Variants in CACNA1A observed in about 807,000 individuals in gnomAD.
The protein encoded by CACNA1A is voltage-dependent P/Q-type calcium channel subunit alpha-1A.
In CACNA1A, 57 loss-of-function variants were observed where a neutral mutation model predicts 262.4. The observed-to-expected ratio is 0.22, with a 90% CI of 0.18 to 0.27. CACNA1A has a LOEUF of 0.27. Among genes scored for constraint, CACNA1A ranks in the 10% least tolerant of loss-of-function variants. The probability of loss-of-function intolerance (pLI) is 1.00; values close to 1 mark genes in which losing one functional copy is unlikely to be tolerated. For missense variants in CACNA1A, 2,526 were observed against 3,562.8 expected, an observed-to-expected ratio of 0.71 and a Z score of 7.41; for synonymous variants, 1,431 against 1,419.3, an observed-to-expected ratio of 1.01 and a Z score of -0.18.
chr19:13,486,448 A>G (rs1599359338), intron 1 of CACNA1A, among the ~76,000 whole-genome samples: 2 of 152,050 alleles, frequency 1.3e-5, no homozygotes, highest in South Asian at 4.1e-4. Context: ...AAAGACTAAA[A>G]AAGAAAGAAG....
At chr19:13,500,092 T>C (rs952961882) in intron 1 of CACNA1A, among the ~76,000 whole-genome samples, 3 of 152,200 alleles carry the variant, frequency 2.0e-5, no homozygotes, top group Non-Finnish European at 4.4e-5. Flanking sequence ...GAAACTTTCA[T>C]TGGTCTGATA....
chr19:13,233,121 C>CTCTGTTCTA (rs1188163913), intron 34 of CACNA1A, among the ~76,000 whole-genome samples: 2 of 151,888 alleles, frequency 1.3e-5, no homozygotes, highest in Non-Finnish European at 2.9e-5. Context: ...CCCTAGATCA[C>CTCTGTTCTA]TCTGTTCTAG....
intron 3 of CACNA1A, among the ~76,000 whole-genome samples, chr19:13,423,927 CACCCAAGGCA>C (rs904340440): frequency 6.6e-6 from 1 of 152,172 alleles, no homozygotes; most frequent in Non-Finnish European, 1.5e-5. Context: ...TCTAAAACAT[CACCCAAGGCA>C]ACCTGTATCA....
At chr19:13,248,088 C>T (rs2056296239) in intron 30 of CACNA1A, among the ~76,000 whole-genome samples, 3 of 152,250 alleles carry the variant, frequency 2.0e-5, no homozygotes, top group Admixed American at 2.0e-4. Flanking sequence ...GTCCCTGTGT[C>T]ACTTCCTCTC....
At chr19:13,211,468 T>A (rs1334771051) in intron 43 of CACNA1A, 2 of 153,192 alleles carry the variant, frequency 1.3e-5, no homozygotes, top group Non-Finnish European at 2.9e-5. Flanking sequence ...CACACACCCC[T>A]GTGCCCCCCA....
At chr19:13,232,590 G>C (rs2055705037) in intron 34 of CACNA1A, among the ~76,000 whole-genome samples, 1 of 151,856 alleles carries the variant, frequency 6.6e-6, no homozygotes. Flanking sequence ...AATTTGCTCG[G>C]TGTGGTGGCG....
chr19:13,224,651 CCT>C lies in CACNA1A; in HGVS notation c.5731+14_5731+15del, dbSNP rs775317628. On this transcript the variant is annotated intron_variant, in intron 38 of 46. Transcript: ENST00000360228. ...CCTGTCACGCCTGTCTGTGCCCGCC[CCT>C]GTCCCTTCCTTACCCTTGGCAATCT... The C allele has an allele frequency of 1.3e-5, 20 of 1,577,840 alleles. No individual in the cohort carries two copies. The African/African-American group carries it at 1.9e-4, about 15-fold the overall frequency.
chr19:13,470,079 A>G (rs1397302606), intron 1 of CACNA1A, among the ~76,000 whole-genome samples: 1 of 152,126 alleles, frequency 6.6e-6, no homozygotes, highest in Non-Finnish European at 1.5e-5. Flanking sequence ...GAATCCCAGC[A>G]TCCTATATCA....
At chr19:13,351,934 C>G (rs1445015299) in intron 6 of CACNA1A, among the ~76,000 whole-genome samples, 1 of 152,134 alleles carries the variant, frequency 6.6e-6, no homozygotes, top group Non-Finnish European at 1.5e-5. Flanking sequence ...TGTGAGCCAC[C>G]AAGGCTGGCC....
chr19:13,388,212 T>A (rs931988604), intron 3 of CACNA1A, among the ~76,000 whole-genome samples: 10 of 150,696 alleles, frequency 6.6e-5, no homozygotes, highest in Non-Finnish European at 1.5e-4. Flanking sequence ...TCACCCAGCT[T>A]TCCCCTTCTT....
Position 13,285,056 on chromosome 19 carries a change from G to A in CACNA1A, c.3692+12C>T. 6 of 1,613,912 alleles carry A rather than the reference G, an allele frequency of 3.7e-6. No homozygotes were observed. The highest frequency in any genetic ancestry group is 5.1e-6 in the Non-Finnish European group (6 of 1,179,836). ...CCAGGCCCCCCCTGCCCTTGCTGGGGGCCATACTCACGGGTTGGTCGTGGA... is the reference window on the plus strand; with the variant it reads ...CCAGGCCCCCCCTGCCCTTGCTGGGAGCCATACTCACGGGTTGGTCGTGGA... On this transcript the variant is annotated intron_variant, in intron 21 of 46. Transcript: ENST00000360228.
Position 13,214,493 on chromosome 19 carries a change from G to T in CACNA1A, c.5839+8C>A. ...GGATTGGATCCCAGGGCTGGGCTCA[G>T]CTCTTACACTTGTGAGGTGTGACCA... On this transcript the variant is annotated splice_region_variant and intron_variant, in intron 39 of 46. Transcript: ENST00000360228. The surrounding 1 kb of genome is among the most constrained non-coding windows in gnomAD (Gnocchi z 4.1). 1 of 1,607,840 alleles carries T rather than the reference G, an allele frequency of 6.2e-7. No individual in the cohort carries two copies. Among genetic ancestry groups the T allele is most frequent in the Non-Finnish European group, 8.5e-7 (1 of 1,174,632 alleles).
At position 13,299,171 on chromosome 19, in the gene CACNA1A, C is replaced by T. The variant is rs1322943080; in HGVS notation, c.2462G>A (p.Arg821Gln). 1 of 1,613,106 alleles carries T rather than the reference C, an allele frequency of 6.2e-7. No homozygotes were observed. The highest frequency in any genetic ancestry group is 8.5e-7 in the Non-Finnish European group (1 of 1,179,884). ...CTCCTGCGGGTCCACCACCAGCGGCCGGTCCAAGTGCGTCTTCATGTCTGG... is the reference window on the plus strand; with the variant it reads ...CTCCTGCGGGTCCACCACCAGCGGCTGGTCCAAGTGCGTCTTCATGTCTGG... ...LRPDMKTHLD[R>Q]PLVVDPQENR... The change falls in exon 19 of 47, where the codon CGG (arginine) becomes CAG (glutamine). Residue 821 changes from arginine to glutamine, a missense_variant. Arg to Gln is a conservative substitution (Grantham distance 43). Coordinates refer to ENST00000360228, the MANE Select transcript of CACNA1A (RefSeq NM_001127222.2).
chr19:13,303,977 T>C, intron 15 of CACNA1A, 93 bp from the exon 16 acceptor site: 1 of 888,904 alleles, frequency 1.1e-6, no homozygotes, highest in Non-Finnish European at 1.8e-6. Context: ...GCCCACCCCA[T>C]CCCCGAGCCC....
intron 6 of CACNA1A, among the ~76,000 whole-genome samples, chr19:13,346,846 A>AT (rs1227183826): frequency 2.7e-5 from 4 of 148,032 alleles, no homozygotes; most frequent in African/African-American, 9.9e-5. Flanking sequence ...TGCCCAGCTA[A>AT]TTTTTTGTAT....
At chr19:13,484,321 C>T (rs1979719207) in intron 1 of CACNA1A, among the ~76,000 whole-genome samples, 2 of 152,138 alleles carry the variant, frequency 1.3e-5, no homozygotes, top group African/African-American at 4.8e-5. Flanking sequence ...CCCTGGGGGC[C>T]AGGGGCTGTC....
intron 19 of CACNA1A, among the ~76,000 whole-genome samples, chr19:13,288,918 G>T (rs2057469783): frequency 6.6e-6 from 1 of 152,118 alleles, no homozygotes. Context: ...TTAGTAAGTG[G>T]AAGAGAGACA....
Position 13,207,044 on chromosome 19 carries a change from C to T in CACNA1A, c.*269G>A, listed in dbSNP as rs948121809. On this transcript the variant is annotated 3_prime_UTR_variant, in exon 47 of 47. Coordinates refer to ENST00000360228, the MANE Select transcript of CACNA1A (RefSeq NM_001127222.2). This position sits in a 1 kb window ranked among gnomAD's most constrained non-coding sequence, Gnocchi z 5.7. Reference sequence around the variant, plus strand: ...CCTTGGCTGTGTGGTTTGTCTGCTCCCTGCCTCCCACCCGAGAGCCCCTGT... The same window carrying T: ...CCTTGGCTGTGTGGTTTGTCTGCTCTCTGCCTCCCACCCGAGAGCCCCTGT... 12 of 263,972 alleles carry T rather than the reference C, an allele frequency of 4.5e-5. No homozygotes were observed. The East Asian group carries it at 7.7e-4, about 17-fold the overall frequency. The allele number at this position is 263,972 out of a possible 1,614,324, so 16.4% of individuals were successfully genotyped here. A position where few individuals can be genotyped will look rare whatever the true frequency, so the allele number is the denominator to read the frequency against.
intron 1 of CACNA1A, among the ~76,000 whole-genome samples, chr19:13,475,902 G>C (rs1278178806): frequency 6.6e-6 from 1 of 152,122 alleles, no homozygotes; most frequent in Non-Finnish European, 1.5e-5. Context: ...TGAAAAGTAG[G>C]GAAAAAGTGG....
Sources: allele counts gnomAD v4.1 joint callset (sites outside exome capture counted in the v4.1 genomes callset), GRCh38; gene constraint gnomAD v4.1.1; non-coding constraint Gnocchi (gnomAD v3.1); transcripts MANE v1.5; gene names NCBI Gene and HGNC (gene_info 2026-07-23, HGNC 2026-07-21).